Variants in LRPAP1 observed in about 807,000 individuals in gnomAD.
The protein encoded by LRPAP1 is LDL receptor related protein associated protein 1.
A neutral mutation model predicts 39.9 loss-of-function variants in LRPAP1; 41 were observed. The ratio of observed to expected loss-of-function variants is 1.03; its 90% CI spans 0.80 to 1.33. LRPAP1 has a LOEUF of 1.33. Ranked by LOEUF, LRPAP1 falls within the 40% of genes most tolerant of loss-of-function variation. The pLI, the probability that LRPAP1 is intolerant of heterozygous loss-of-function variation, is 0.00. For synonymous variants in LRPAP1, 263 were observed against 212.7 expected (o/e 1.24, Z -2.06); for missense variants, 565 against 482.3 (o/e 1.17, Z -1.61).
intron 1 of LRPAP1, among the ~76,000 whole-genome samples, chr4:3,527,077 A>G (rs1186616307): frequency 6.6e-6 from 1 of 152,042 alleles, no homozygotes; most frequent in East Asian, 1.9e-4. Context: ...GTCCCAGGAC[A>G]GTCTTTTGTC....
rs1412291900 is a variant in LRPAP1, at chr4:3,506,804, T to C, written c.*6170A>G. On this transcript the variant is annotated 3_prime_UTR_variant, in exon 8 of 8. Transcript: ENST00000650182. Reference sequence around the variant, plus strand: ...AAATAAAAATTAGATTTCATCAAACTGGAAACCTTTGCTTTCCAAAAGATA... The same window carrying C: ...AAATAAAAATTAGATTTCATCAAACCGGAAACCTTTGCTTTCCAAAAGATA... The C allele has an allele frequency of 6.6e-6, 1 of 152,248 alleles. No individual in the cohort carries two copies. Among genetic ancestry groups the C allele is most frequent in the Non-Finnish European group, 1.5e-5 (1 of 68,046 alleles). 9.4% of individuals were successfully genotyped at this position (152,248 alleles called of 1,614,324 possible). A position where few individuals can be genotyped will look rare whatever the true frequency, so the allele number is the denominator to read the frequency against.
At chr4:3,515,201 G>A (rs960407518) in intron 6 of LRPAP1, among the ~76,000 whole-genome samples, 10 of 152,150 alleles carry the variant, frequency 6.6e-5, no homozygotes, top group African/African-American at 1.7e-4. Context: ...CCTCCAGCTC[G>A]TTCCCAGCCA....
intron 2 of LRPAP1, among the ~76,000 whole-genome samples, chr4:3,521,466 T>A (rs573816707): frequency 1.3e-5 from 2 of 151,888 alleles, no homozygotes; most frequent in Non-Finnish European, 2.9e-5. Flanking sequence ...CCCCCGCACC[T>A]CTCCCAAAGG....
At position 3,510,341 on chromosome 4, in the gene LRPAP1, G is replaced by A. The variant is rs1195837192; in HGVS notation, c.*2633C>T. 1 of 152,252 alleles carries A rather than the reference G, an allele frequency of 6.6e-6. No homozygotes were observed. The highest frequency in any genetic ancestry group is 1.9e-4 in the East Asian group (1 of 5,200). The allele number at this position is 152,252 out of a possible 1,614,324, so 9.4% of individuals were successfully genotyped here. A position where few individuals can be genotyped will look rare whatever the true frequency, so the allele number is the denominator to read the frequency against. ...GCCTGTGGTCGCAGCTACTACTCAGGAGACTGAGGCGAGGGGATTGCTGGA... is the reference window on the plus strand; with the variant it reads ...GCCTGTGGTCGCAGCTACTACTCAGAAGACTGAGGCGAGGGGATTGCTGGA... On this transcript the variant is annotated 3_prime_UTR_variant, in exon 8 of 8. Coordinates refer to ENST00000650182, the MANE Select transcript of LRPAP1 (RefSeq NM_002337.4).
intron 2 of LRPAP1, among the ~76,000 whole-genome samples, chr4:3,521,773 G>A (rs1022185057): frequency 3.9e-5 from 6 of 152,336 alleles, no homozygotes; most frequent in Admixed American, 1.3e-4. Context: ...CACGGGTCCC[G>A]TAGATGCATG....
In LRPAP1 at chr4:3,518,075, C is replaced by T. The variant is rs760183295; in HGVS notation, c.710G>A (p.Arg237His). Residue 237 changes from arginine (R) to histidine (H), a missense_variant, in exon 5 of 8, where the codon CGC (arginine) becomes CAC (histidine). By Grantham distance (29) the Arg-to-His change is conservative. Coordinates refer to ENST00000650182, the MANE Select transcript of LRPAP1 (RefSeq NM_002337.4). The part of the protein sequence containing the change: ...KLRSINQGLD[R>H]LRRVSHQGYS... The stretch of plus-strand genomic sequence containing the variant: ...GCCCTGGTGGCTGACCCTGCGCAGG[C>T]GGTCCAGGCCCTGGTTGATGCTGCG... 56 of 1,612,290 alleles carry T rather than the reference C, an allele frequency of 3.5e-5. No homozygotes were observed. The Middle Eastern group carries it at 4.9e-4, about 14-fold the overall frequency.
rs1249111402 is a variant in LRPAP1 at position 3,505,630 on chromosome 4, C to CCCGTCTATACCAGCTACCCCAAGA, written c.*7320_*7343dup. 7.2e-5 allele frequency among the ~76,000 whole-genome samples: 11 copies of CCCGTCTATACCAGCTACCCCAAGA among 151,912 alleles called. No homozygotes were observed. Among genetic ancestry groups the CCCGTCTATACCAGCTACCCCAAGA allele is most frequent in the African/African-American group, 1.5e-4 (6 of 41,366 alleles). Reference sequence around the variant, plus strand: ...GAGCACCACTACCAGCTACCCCAAGCCCGTCTATACCAGCTACCCCAAGAC... The same window carrying CCCGTCTATACCAGCTACCCCAAGA: ...GAGCACCACTACCAGCTACCCCAAGCCCGTCTATACCAGCTACCCCAAGACCGTCTATACCAGCTACCCCAAGAC... On this transcript the variant is annotated 3_prime_UTR_variant, in exon 8 of 8. Transcript: ENST00000650182.
At chr4:3,521,756 C>T (rs73793987) in intron 2 of LRPAP1, among the ~76,000 whole-genome samples, 3,545 of 152,300 alleles carry the variant, frequency 0.023, 142 homozygotes, top group African/African-American at 0.08. Flanking sequence ...GAGCTGCTGG[C>T]GCTGGGCACG....
intron 4 of LRPAP1, 36 bp from the exon 5 acceptor site, chr4:3,518,228 A>G: frequency 3.1e-6 from 5 of 1,590,330 alleles, no homozygotes; most frequent in Non-Finnish European, 4.3e-6. Flanking sequence ...TGAGGCTGGG[A>G]GTCCTCGCAC....
At chr4:3,519,279 G>A (rs191020778) in intron 3 of LRPAP1, among the ~76,000 whole-genome samples, 46 of 152,354 alleles carry the variant, frequency 3.0e-4, no homozygotes, top group African/African-American at 1.1e-3. Context: ...GCAGCCCGGT[G>A]ACCCCGGGCT....
At chr4:3,517,508 A>C (rs556835109) in intron 5 of LRPAP1, among the ~76,000 whole-genome samples, 16 of 152,324 alleles carry the variant, frequency 1.1e-4, no homozygotes, top group Non-Finnish European at 2.1e-4. Context: ...CACCCTGCAC[A>C]AGGCTCTGGC....
chr4:3,515,103 G>A (rs946924732), intron 6 of LRPAP1, among the ~76,000 whole-genome samples, 175 bp from the exon 7 acceptor site: 2 of 152,190 alleles, frequency 1.3e-5, no homozygotes, highest in African/African-American at 4.8e-5. Context: ...CACTAGCAAC[G>A]GGTCCCAGCC....
At position 3,511,239 on chromosome 4, in the gene LRPAP1, C is replaced by T; in HGVS notation, c.*1735G>A. The T allele has an allele frequency of 6.7e-6, 1 of 149,478 alleles. No individual in the cohort carries two copies. Among genetic ancestry groups the T allele is most frequent in the Non-Finnish European group, 1.5e-5 (1 of 67,326 alleles). 9.3% of individuals were successfully genotyped at this position (149,478 alleles called of 1,614,324 possible). ...TAGGTGCTCCTAGAGTTGGCCCCCA[C>T]CCCCACCCCCACACGAGTGTTCACC... On this transcript the variant is annotated 3_prime_UTR_variant, in exon 8 of 8. Coordinates refer to ENST00000650182, the MANE Select transcript of LRPAP1 (RefSeq NM_002337.4).
chr4:3,524,528 G>A (rs529096205), intron 2 of LRPAP1, among the ~76,000 whole-genome samples: 2 of 152,352 alleles, frequency 1.3e-5, no homozygotes, highest in African/African-American at 4.8e-5. Flanking sequence ...AGCAAACTGA[G>A]ACCACGGCCA....
intron 1 of LRPAP1, among the ~76,000 whole-genome samples, chr4:3,527,932 CCT>C (rs2108697504): frequency 6.6e-6 from 1 of 152,340 alleles, no homozygotes; most frequent in African/African-American, 2.4e-5. Context: ...TCATTTTCTC[CCT>C]CTGATTCCCC....
chr4:3,513,174 C>G, intron 7 of LRPAP1, 138 bp from the exon 8 acceptor site: 1 of 645,464 alleles, frequency 1.5e-6, no homozygotes, highest in Admixed American at 2.7e-5. Flanking sequence ...AATTCCACAC[C>G]CATCCAGAAA....
Position 3,508,173 on chromosome 4 carries a change from T to C in LRPAP1, c.*4801A>G, listed in dbSNP as rs1356769933. 1 of 152,122 alleles carries C rather than the reference T, an allele frequency of 6.6e-6. No homozygotes were observed. Among genetic ancestry groups the C allele is most frequent in the East Asian group, 1.9e-4 (1 of 5,190 alleles). 9.4% of individuals were successfully genotyped at this position (152,122 alleles called of 1,614,324 possible). A position where few individuals can be genotyped will look rare whatever the true frequency, so the allele number is the denominator to read the frequency against. ...GGCATGCACCACCACACCCTGCTAATTTTTATATTTTTAATGGAGACGGGG... is the reference window on the plus strand; with the variant it reads ...GGCATGCACCACCACACCCTGCTAACTTTTATATTTTTAATGGAGACGGGG... On this transcript the variant is annotated 3_prime_UTR_variant, in exon 8 of 8. Coordinates refer to ENST00000650182, the MANE Select transcript of LRPAP1 (RefSeq NM_002337.4).
At chr4:3,513,817 G>C (rs1729610522) in intron 7 of LRPAP1, among the ~76,000 whole-genome samples, 1 of 152,206 alleles carries the variant, frequency 6.6e-6, no homozygotes, top group South Asian at 2.1e-4. Flanking sequence ...GCTCTCCCCA[G>C]ATTCTCACAA....
In LRPAP1 at chr4:3,506,221, A is replaced by G. The variant is rs1729350045; in HGVS notation, c.*6753T>C. Reference sequence around the variant, plus strand: ...GGGATTATAGGCAGATGCTGCCACCACTCCTGGTTAATTTTTGTATTTTTA... The same window carrying G: ...GGGATTATAGGCAGATGCTGCCACCGCTCCTGGTTAATTTTTGTATTTTTA... On this transcript the variant is annotated 3_prime_UTR_variant, in exon 8 of 8. Coordinates refer to ENST00000650182, the MANE Select transcript of LRPAP1 (RefSeq NM_002337.4). 6.6e-6 allele frequency among the ~76,000 whole-genome samples: 1 copy of G among 151,194 alleles called. No individual in the cohort carries two copies. Among genetic ancestry groups the G allele is most frequent in the South Asian group, 2.1e-4 (1 of 4,800 alleles).
Sources: gnomAD v4.1 joint callset for allele counts (sites outside exome capture counted in the v4.1 genomes callset) on GRCh38, gnomAD v4.1.1 for gene constraint, MANE v1.5 for transcripts, NCBI Gene and HGNC (gene_info 2026-07-23, HGNC 2026-07-21) for gene names.